Variants in SPATS2L observed in about 807,000 individuals in gnomAD.
The protein encoded by SPATS2L is spermatogenesis associated serine rich 2 like.
A neutral mutation model predicts 59.6 loss-of-function variants in SPATS2L; 30 were observed. The ratio of observed to expected loss-of-function variants is 0.50; its 90% CI spans 0.38 to 0.68. The LOEUF (loss-of-function observed/expected upper bound fraction) is 0.68, where lower values mean the gene tolerates loss of function less well. SPATS2L is among the 30% of genes least tolerant of loss of function. The pLI is 0.00. For synonymous variants in SPATS2L, 252 were observed against 263.5 expected (o/e 0.96, Z 0.42); for missense variants, 615 against 700.0 (o/e 0.88, Z 1.37).
In SPATS2L at chr2:200,421,285, G is replaced by A. The variant is rs143786642; in HGVS notation, c.445+1789G>A. 3.1e-4 allele frequency among the ~76,000 whole-genome samples: 47 copies of A among 152,164 alleles called. 1 individual carries two copies. Among genetic ancestry groups the A allele is most frequent in the African/African-American group, 1.1e-3 (47 of 41,506 alleles). On this transcript the variant is annotated intron_variant, in intron 6 of 12. Coordinates refer to ENST00000409140, the MANE Select transcript of SPATS2L (RefSeq NM_001100423.2). Reference sequence around the variant, plus strand: ...ATTGAAGGACCAATAGAACTGAGGTGGTAAAAAGGATTTGGAGGGTTAGAG... The same window carrying A: ...ATTGAAGGACCAATAGAACTGAGGTAGTAAAAAGGATTTGGAGGGTTAGAG...
chr2:200,383,963 C>T (rs1489161832), intron 2 of SPATS2L: 1 of 1,002,036 alleles, frequency 1.0e-6, no homozygotes, highest in African/African-American at 1.7e-5. Flanking sequence ...TTACTGCCTA[C>T]ACAATCAAAC....
At chr2:200,459,958 C>T in intron 9 of SPATS2L, 131 bp downstream of exon 9, 1 of 682,338 alleles carries the variant, frequency 1.5e-6, no homozygotes, top group Non-Finnish European at 2.5e-6. Context: ...CTCATGAACT[C>T]TGTAACCTTA....
chr2:200,430,994 A>G (rs1251197193), intron 6 of SPATS2L, among the ~76,000 whole-genome samples: 1 of 152,144 alleles, frequency 6.6e-6, no homozygotes, highest in Non-Finnish European at 1.5e-5. Context: ...CTGGGATTAC[A>G]GGCATGAACC....
At chr2:200,344,828 G>A (rs887077966) in intron 2 of SPATS2L, among the ~76,000 whole-genome samples, 4 of 152,076 alleles carry the variant, frequency 2.6e-5, no homozygotes, top group African/African-American at 9.7e-5. Flanking sequence ...CAGTGATATT[G>A]AGCTTTTTTT....
intron 7 of SPATS2L, 120 bp from the exon 8 acceptor site, chr2:200,440,528 CT>C: frequency 1.0e-6 from 1 of 972,636 alleles, no homozygotes. Context: ...CCTGATGGAA[CT>C]TTTACTAGAC....
At chr2:200,446,426 A>T (rs2085048053) in intron 8 of SPATS2L, among the ~76,000 whole-genome samples, 1 of 152,198 alleles carries the variant, frequency 6.6e-6, no homozygotes. Context: ...GTCTAGGGCC[A>T]CAGCAGTGGT....
At chr2:200,349,868 C>T (rs1228820766) in intron 2 of SPATS2L, among the ~76,000 whole-genome samples, 1 of 152,188 alleles carries the variant, frequency 6.6e-6, no homozygotes, top group Non-Finnish European at 1.5e-5. Context: ...GTGTCAACAT[C>T]TAAATGTCTT....
At chr2:200,425,773 C>T (rs974562103) in intron 6 of SPATS2L, among the ~76,000 whole-genome samples, 1 of 151,936 alleles carries the variant, frequency 6.6e-6, no homozygotes, top group Non-Finnish European at 1.5e-5. Context: ...TCTTTGGGGT[C>T]GCGGGGGATG....
rs1179070278 is a variant in SPATS2L at position 200,478,543 on chromosome 2, T to G, written c.*512T>G. The stretch of plus-strand genomic sequence containing the variant: ...ATGCTGCATTTGACACCTGGCTAGT[T>G]TCTTTTATTGATACCCACCTAGTTA... On this transcript the variant is annotated 3_prime_UTR_variant, in exon 13 of 13. Transcript: ENST00000409140. The G allele has an allele frequency of 6.5e-6, 1 of 152,742 alleles. No homozygotes were observed. The highest frequency in any genetic ancestry group is 1.5e-5 in the Non-Finnish European group (1 of 68,098). The allele number at this position is 152,742 out of a possible 1,614,324, so 9.5% of individuals were successfully genotyped here. A position where few individuals can be genotyped will look rare whatever the true frequency, so the allele number is the denominator to read the frequency against.
At position 200,427,378 on chromosome 2, in the gene SPATS2L, C is replaced by T. The variant is rs568756195; in HGVS notation, c.445+7882C>T. On this transcript the variant is annotated intron_variant, in intron 6 of 12. Transcript: ENST00000409140. ...AAAAATTAAAAACTTTTTTTTAATGCAATAAGAATTAAACCTGTTTTGCAG... is the reference window on the plus strand; with the variant it reads ...AAAAATTAAAAACTTTTTTTTAATGTAATAAGAATTAAACCTGTTTTGCAG... Among the ~76,000 whole-genome samples the T allele has an allele frequency of 8.6e-5, 13 of 150,882 alleles. No individual in the cohort carries two copies. The South Asian group carries it at 2.7e-3, about 32-fold the overall frequency.
At chr2:200,376,912 C>G (rs2081618833) in intron 2 of SPATS2L, among the ~76,000 whole-genome samples, 2 of 152,162 alleles carry the variant, frequency 1.3e-5, no homozygotes, top group Admixed American at 6.5e-5. Context: ...CACACCAGGA[C>G]AACTTGTGGT....
intron 2 of SPATS2L, among the ~76,000 whole-genome samples, chr2:200,360,896 C>T (rs1328249990): frequency 7.3e-6 from 1 of 137,766 alleles, no homozygotes; most frequent in Non-Finnish European, 1.5e-5. Context: ...ATTGTACGAC[C>T]CCCCGCCCCC....
chr2:200,478,225 G>C lies in SPATS2L; in HGVS notation c.*194G>C. The C allele has an allele frequency of 2.0e-6, 1 of 500,394 alleles. No homozygotes were observed. Among genetic ancestry groups the C allele is most frequent in the Non-Finnish European group, 3.3e-6 (1 of 305,170 alleles). 31.0% of individuals were successfully genotyped at this position (500,394 alleles called of 1,614,324 possible). ...TAATTTTCATGGCTTTGCTTGATCT[G>C]TTGATGCTTTCTCTCATCAAGACTT... On this transcript the variant is annotated 3_prime_UTR_variant, in exon 13 of 13. Coordinates refer to ENST00000409140, the MANE Select transcript of SPATS2L (RefSeq NM_001100423.2).
chr2:200,308,756 G>T (rs2079105472), intron 1 of SPATS2L: 1 of 394,350 alleles, frequency 2.5e-6, no homozygotes. Context: ...GGAAAAGACT[G>T]TATTAATTGG....
chr2:200,459,718 A>G, intron 8 of SPATS2L, 51 bp from the exon 9 acceptor site: 1 of 1,394,676 alleles, frequency 7.2e-7, no homozygotes, highest in African/African-American at 1.4e-5. Context: ...TTAAAAGTTT[A>G]TCTTTGATTA....
intron 2 of SPATS2L, among the ~76,000 whole-genome samples, chr2:200,331,994 C>T (rs903582411): frequency 6.6e-6 from 1 of 152,180 alleles, no homozygotes; most frequent in Non-Finnish European, 1.5e-5. Flanking sequence ...ACAGAAATAA[C>T]ATTTTTTGGC....
chr2:200,379,716 T>A (rs560653465), intron 2 of SPATS2L, among the ~76,000 whole-genome samples: 2 of 152,220 alleles, frequency 1.3e-5, no homozygotes, highest in South Asian at 4.1e-4. Flanking sequence ...GAAAGCAGTG[T>A]GATCTGCAGG....
chr2:200,354,381 G>C (rs1032582873), intron 2 of SPATS2L, among the ~76,000 whole-genome samples: 5 of 152,140 alleles, frequency 3.3e-5, no homozygotes, highest in African/African-American at 1.2e-4. Context: ...GACCGAGGTG[G>C]GAGGACTGCT....
intron 3 of SPATS2L, among the ~76,000 whole-genome samples, chr2:200,391,919 C>A (rs1330823864): frequency 6.6e-6 from 1 of 152,228 alleles, no homozygotes; most frequent in Non-Finnish European, 1.5e-5. Context: ...TCAAAACTAA[C>A]TTCTGACAAC....
Sources: gnomAD v4.1 joint callset for allele counts (sites outside exome capture counted in the v4.1 genomes callset) on GRCh38, gnomAD v4.1.1 for gene constraint, MANE v1.5 for transcripts, NCBI Gene and HGNC (gene_info 2026-07-23, HGNC 2026-07-21) for gene names.